COLEC10: variants seen among roughly 807,000 people sequenced by gnomAD.
COLEC10 encodes collectin subfamily member 10.
Under a neutral mutation model 28.4 loss-of-function variants are expected in COLEC10, and 22 were observed. The observed-to-expected ratio is 0.78, with a 90% CI of 0.55 to 1.11. The LOEUF (loss-of-function observed/expected upper bound fraction) is 1.11, where lower values mean the gene tolerates loss of function less well. Ranked by LOEUF, COLEC10 falls within the 50% of genes least tolerant of loss-of-function variation. The pLI, the probability that COLEC10 is intolerant of heterozygous loss-of-function variation, is 0.00. For missense variants in COLEC10, 361 were observed against 344.1 expected, an observed-to-expected ratio of 1.05 and a Z score of -0.39; for synonymous variants, 125 against 116.1, an observed-to-expected ratio of 1.08 and a Z score of -0.49.
In COLEC10 at chr8:119,077,933, T is replaced by C. The variant is rs149323215; in HGVS notation, c.148+10504T>C. Among the ~76,000 whole-genome samples the C allele has an allele frequency of 2.1e-3, 321 of 150,598 alleles. 1 individual carries two copies. Among genetic ancestry groups the C allele is most frequent in the African/African-American group, 7.7e-3 (306 of 39,912 alleles). Reference sequence around the variant, plus strand: ...TGTTTCTGCAGACTGTACAAAAAGTTTGGTGCCACCATCTGCTTCTGGTGA... The same window carrying C: ...TGTTTCTGCAGACTGTACAAAAAGTCTGGTGCCACCATCTGCTTCTGGTGA... On this transcript the variant is annotated intron_variant, in intron 1 of 5. Transcript: ENST00000332843.
intron 2 of COLEC10, among the ~76,000 whole-genome samples, chr8:119,033,114 CT>C (rs1486798986): frequency 1.2e-4 from 18 of 152,152 alleles, no homozygotes; most frequent in Admixed American, 3.3e-4. Context: ...TCTTTTCAAG[CT>C]GCAAATGGGG....
At chr8:119,029,450 A>T (rs1415913448) in intron 2 of COLEC10, among the ~76,000 whole-genome samples, 2 of 152,136 alleles carry the variant, frequency 1.3e-5, no homozygotes, top group Non-Finnish European at 2.9e-5. Flanking sequence ...AGATAATAGG[A>T]GTCAGGACCG....
At chr8:119,028,633 G>A (rs1034083165) in intron 2 of COLEC10, among the ~76,000 whole-genome samples, 20 of 152,158 alleles carry the variant, frequency 1.3e-4, no homozygotes, top group African/African-American at 4.8e-4. Flanking sequence ...CAACATATGG[G>A]AATTCTGGGA....
intron 1 of COLEC10, among the ~76,000 whole-genome samples, chr8:118,996,866 G>A (rs1813598715): frequency 6.6e-6 from 1 of 152,170 alleles, no homozygotes; most frequent in South Asian, 2.1e-4. Context: ...AGCAGAGCAA[G>A]AGAAAGAGTA....
intron 2 of COLEC10, among the ~76,000 whole-genome samples, chr8:119,090,094 T>C (rs909295071): frequency 2.0e-5 from 3 of 152,186 alleles, no homozygotes; most frequent in Non-Finnish European, 4.4e-5. Flanking sequence ...AGCAGCATTT[T>C]TTTTTTAAGC....
the COLEC10 span, among the ~76,000 whole-genome samples, chr8:118,971,915 G>C: frequency 6.6e-6 from 1 of 152,038 alleles, no homozygotes; most frequent in East Asian, 1.9e-4. Flanking sequence ...GGGAGCTTTT[G>C]ACAGCTCTGT....
chr8:118,993,849 T>G (rs1337430524), upstream of COLEC10, among the ~76,000 whole-genome samples: 1 of 152,140 alleles, frequency 6.6e-6, no homozygotes, highest in Non-Finnish European at 1.5e-5. Context: ...GGTACTTAAT[T>G]CACACTATAA....
the COLEC10 span, among the ~76,000 whole-genome samples, chr8:118,955,015 T>C: frequency 2.0e-5 from 3 of 152,138 alleles, no homozygotes; most frequent in Middle Eastern, 3.2e-3. Context: ...CACCTGAAAA[T>C]TGGAAATACC....
upstream of COLEC10, among the ~76,000 whole-genome samples, chr8:119,066,220 A>C (rs1296935308): frequency 6.6e-6 from 1 of 152,304 alleles, no homozygotes; most frequent in Admixed American, 6.5e-5. Flanking sequence ...CTCTTAGTTG[A>C]GATGCTGTTC....
intron 1 of COLEC10, among the ~76,000 whole-genome samples, chr8:118,996,016 T>A: frequency 2.6e-5 from 4 of 152,072 alleles, no homozygotes; most frequent in African/African-American, 9.7e-5. Context: ...AGTTGAAACT[T>A]TGCACCTGTT....
chr8:118,982,849 G>A, the COLEC10 span: 1 of 152,230 alleles, frequency 6.6e-6, no homozygotes, highest in Non-Finnish European at 1.5e-5. Flanking sequence ...GTTCCAGTGA[G>A]TGTTCTTCCT....
chr8:118,996,524 T>C (rs1019769166), intron 1 of COLEC10, among the ~76,000 whole-genome samples: 6 of 152,204 alleles, frequency 3.9e-5, no homozygotes, highest in Admixed American at 3.3e-4. Flanking sequence ...CCAACACTTG[T>C]CTTTTTTTAA....
intron 1 of COLEC10, among the ~76,000 whole-genome samples, chr8:119,082,711 T>G (rs1237301218): frequency 6.6e-6 from 1 of 152,190 alleles, no homozygotes; most frequent in South Asian, 2.1e-4. Context: ...CCACATAATA[T>G]TTCATTGGCG....
chr8:119,068,160 A>G (rs1171349447), intron 1 of COLEC10: 7 of 152,166 alleles, frequency 4.6e-5, no homozygotes, highest in Non-Finnish European at 7.3e-5. Context: ...GTGCTCCCTT[A>G]TTAGTAATTC....
chr8:119,103,390 C>T (rs1815877236), intron 4 of COLEC10, among the ~76,000 whole-genome samples: 1 of 152,042 alleles, frequency 6.6e-6, no homozygotes, highest in African/African-American at 2.4e-5. Context: ...ACTGTGTCAT[C>T]TATTGAATAA....
intron 2 of COLEC10, among the ~76,000 whole-genome samples, chr8:119,037,907 A>G (rs1181035737): frequency 6.6e-6 from 1 of 152,240 alleles, no homozygotes; most frequent in East Asian, 1.9e-4. Context: ...TATTAAATAT[A>G]AACTTTTGTT....
intron 2 of COLEC10, among the ~76,000 whole-genome samples, chr8:119,049,786 GA>G (rs1215219683): frequency 2.0e-5 from 3 of 152,098 alleles, no homozygotes; most frequent in Non-Finnish European, 4.4e-5. Context: ...CATCTTACCT[GA>G]TTTCACCTGC....
intron 3 of COLEC10, among the ~76,000 whole-genome samples, chr8:119,094,703 C>T (rs548073547): frequency 6.6e-6 from 1 of 152,224 alleles, no homozygotes; most frequent in African/African-American, 2.4e-5. Context: ...ATATGCAAGG[C>T]CTGTCAAAGA....
intron 2 of COLEC10, among the ~76,000 whole-genome samples, chr8:119,056,449 C>T (rs535258004): frequency 6.6e-6 from 1 of 152,018 alleles, no homozygotes; most frequent in Non-Finnish European, 1.5e-5. Flanking sequence ...GATCCACAAC[C>T]TTTCCCTTCA....
Sources: allele counts gnomAD v4.1 joint callset (sites outside exome capture counted in the v4.1 genomes callset), GRCh38; gene constraint gnomAD v4.1.1; transcripts MANE v1.5; gene names NCBI Gene and HGNC (gene_info 2026-07-23, HGNC 2026-07-21).